The following CBFA2T2 variants were observed in gnomAD, a reference collection of about 807,000 sequenced individuals.
CBFA2T2 encodes the protein protein CBFA2T2.
Under a neutral mutation model 62.2 loss-of-function variants are expected in CBFA2T2, and 11 were observed. The ratio of observed to expected loss-of-function variants is 0.18; its 90% CI spans 0.11 to 0.29. The LOEUF (loss-of-function observed/expected upper bound fraction) is 0.29, where lower values mean the gene tolerates loss of function less well. CBFA2T2 is among the 10% of genes least tolerant of loss of function. CBFA2T2 has a pLI of 1.00. For synonymous variants in CBFA2T2, 295 were observed against 287.5 expected, an observed-to-expected ratio of 1.03 and a Z score of -0.27; for missense variants, 592 against 774.1, an observed-to-expected ratio of 0.76 and a Z score of 2.79.
intron 1 of CBFA2T2, among the ~76,000 whole-genome samples, chr20:33,526,292 G>A (rs1380805895): frequency 6.6e-6 from 1 of 152,064 alleles, no homozygotes; most frequent in African/African-American, 2.4e-5. Flanking sequence ...AAATAAATAA[G>A]GTGTCTTTCA....
At chr20:33,552,416 T>C (rs2012764397) in intron 1 of CBFA2T2, among the ~76,000 whole-genome samples, 1 of 152,178 alleles carries the variant, frequency 6.6e-6, no homozygotes, top group Non-Finnish European at 1.5e-5. Flanking sequence ...TTTAGATAAT[T>C]GGCTTAGTAA....
chr20:33,621,313 T>TTTTTTTTTTTTTTTG (rs1491565812), intron 4 of CBFA2T2, among the ~76,000 whole-genome samples: 2 of 108,098 alleles, frequency 1.9e-5, no homozygotes, highest in Non-Finnish European at 3.7e-5. Context: ...TTTTTTTTTT[T>TTTTTTTTTTTTTTTG]GGGGAGACAA....
At chr20:33,584,530 T>G (rs144931367) in intron 1 of CBFA2T2, among the ~76,000 whole-genome samples, 210 of 152,262 alleles carry the variant, frequency 1.4e-3, no homozygotes, top group African/African-American at 4.8e-3. Context: ...GTGCTGAGAT[T>G]ACAGGCGTGA....
At chr20:33,629,597 T>C (rs1413264536) in intron 7 of CBFA2T2, 122 bp from the exon 8 acceptor site, 1 of 891,678 alleles carries the variant, frequency 1.1e-6, no homozygotes, top group Non-Finnish European at 1.7e-6. Flanking sequence ...AAATGTAAAC[T>C]TGATATTCCT....
intron 3 of CBFA2T2, among the ~76,000 whole-genome samples, chr20:33,619,002 G>A (rs1465811755): frequency 6.6e-6 from 1 of 152,214 alleles, no homozygotes; most frequent in Non-Finnish European, 1.5e-5. Flanking sequence ...TCTGTCATAA[G>A]AAACCAGTGT....
intron 1 of CBFA2T2, among the ~76,000 whole-genome samples, chr20:33,546,426 CTTTT>C (rs151217037): frequency 7.3e-6 from 1 of 136,206 alleles, no homozygotes; most frequent in Non-Finnish European, 1.6e-5. Context: ...TCTGGATATA[CTTTT>C]TTTTTTTTTT....
At chr20:33,536,914 A>G (rs1427634158) in intron 1 of CBFA2T2, among the ~76,000 whole-genome samples, 1 of 140,368 alleles carries the variant, frequency 7.1e-6, no homozygotes, top group Non-Finnish European at 1.5e-5. Flanking sequence ...GGCGCTCCTC[A>G]CTTCCTAGAT....
At chr20:33,602,948 T>TA (rs2015194867) in intron 1 of CBFA2T2, among the ~76,000 whole-genome samples, 1 of 152,186 alleles carries the variant, frequency 6.6e-6, no homozygotes, top group Non-Finnish European at 1.5e-5. Context: ...CTAAGTGACT[T>TA]ATGGTCGGGT....
chr20:33,490,174 C>T lies in CBFA2T2; in HGVS notation c.-94C>T. On this transcript the variant is annotated 5_prime_UTR_variant, in exon 1 of 11. Transcript: ENST00000342704. Reference sequence around the variant, plus strand: ...GCTGCAGATCTCGCGGCGACGCCTGCGAGGGACCCGGGCCGCGGGTCGAGG... The same window carrying T: ...GCTGCAGATCTCGCGGCGACGCCTGTGAGGGACCCGGGCCGCGGGTCGAGG... 8.5e-7 allele frequency: 1 copy of T among 1,173,392 alleles called. No homozygotes were observed. Among genetic ancestry groups the T allele is most frequent in the Non-Finnish European group, 1.1e-6 (1 of 945,454 alleles). The allele number at this position is 1,173,392 out of a possible 1,614,324, so 72.7% of individuals were successfully genotyped here.
chr20:33,616,775 C>G lies in CBFA2T2; in HGVS notation c.421-2742C>G, dbSNP rs549780396. Among the ~76,000 whole-genome samples, 3 of 151,860 alleles carry G rather than the reference C, an allele frequency of 2.0e-5. No homozygotes were observed. In the East Asian group the frequency reaches 5.8e-4, roughly 29 times the overall value. On this transcript the variant is annotated intron_variant, in intron 3 of 10. Transcript: ENST00000342704. ...ATTGGAGAAAGCTGAATAGAGGATA[C>G]ATTGGAGTATAAGTGTTGCCCTTGA...
chr20:33,562,245 A>T, intron 1 of CBFA2T2: 1 of 237,968 alleles, frequency 4.2e-6, no homozygotes, highest in Non-Finnish European at 6.8e-6. Flanking sequence ...CACGTATTTA[A>T]CAAGTTAATG....
chr20:33,624,801 C>G lies in CBFA2T2; in HGVS notation c.730C>G (p.Pro244Ala). 6.2e-7 allele frequency: 1 copy of G among 1,614,166 alleles called. No individual in the cohort carries two copies. The highest frequency in any genetic ancestry group is 8.5e-7 in the Non-Finnish European group (1 of 1,180,012). Residue 244 changes from proline to alanine, a missense_variant, in exon 6 of 11, where the codon CCT becomes GCT. Transcript: ENST00000342704. ...TAGTTTTGATAGAGACACAATTGCT[C>G]CTGAGCCTCCTGCCAAGAGAGTATG... ...ENSFDRDTIA[P>A]EPPAKRVCTI...
intron 1 of CBFA2T2, among the ~76,000 whole-genome samples, chr20:33,579,235 A>T (rs77025586): frequency 2.0e-5 from 3 of 150,424 alleles, no homozygotes; most frequent in East Asian, 3.9e-4. Flanking sequence ...TTTTTATTCA[A>T]TTTTTTTTAA....
At chr20:33,593,277 AGCCGAGATTGT>A (rs1458158209) in intron 1 of CBFA2T2, among the ~76,000 whole-genome samples, 1 of 152,090 alleles carries the variant, frequency 6.6e-6, no homozygotes, top group East Asian at 1.9e-4. Context: ...GGTTGCAGTG[AGCCGAGATTGT>A]GCCACTGCAC....
chr20:33,625,900 A>C (rs2016204659), intron 6 of CBFA2T2, among the ~76,000 whole-genome samples: 1 of 152,182 alleles, frequency 6.6e-6, no homozygotes, highest in Non-Finnish European at 1.5e-5. Flanking sequence ...CAGGAGATGG[A>C]GACCAATCTG....
In CBFA2T2 at chr20:33,607,043, C is replaced by T. The variant is rs2122288074; in HGVS notation, c.122C>T (p.Pro41Leu). Residue 41 changes from proline to leucine, a missense_variant, in exon 2 of 11, where the codon CCC (proline) becomes CTC (leucine). Transcript: ENST00000342704. Reference sequence around the variant, plus strand: ...AGATCCTCACCTCCCACCATGCCACCCCTCCCACCAATAAATCCTGGAGGA... The same window carrying T: ...AGATCCTCACCTCCCACCATGCCACTCCTCCCACCAATAAATCCTGGAGGA... ...QSRSSPPTMPPLPPINPGGPR... is the reference protein window; with the variant it reads ...QSRSSPPTMPLLPPINPGGPR... The T allele has an allele frequency of 2.5e-6, 4 of 1,614,052 alleles. No individual in the cohort carries two copies. Among genetic ancestry groups the T allele is most frequent in the East Asian group, 2.2e-5 (1 of 44,878 alleles).
At chr20:33,607,840 G>T (rs191561319) in intron 2 of CBFA2T2, among the ~76,000 whole-genome samples, 56 of 152,240 alleles carry the variant, frequency 3.7e-4, no homozygotes, top group African/African-American at 1.3e-3. Flanking sequence ...TATGAATTTG[G>T]CCAAGGCTCG....
chr20:33,641,452 G>T (rs1346961586), intron 10 of CBFA2T2, among the ~76,000 whole-genome samples: 1 of 152,222 alleles, frequency 6.6e-6, no homozygotes, highest in African/African-American at 2.4e-5. Context: ...GTGACAACAT[G>T]AGAACAGCCC....
intron 1 of CBFA2T2, among the ~76,000 whole-genome samples, chr20:33,582,830 TA>T (rs1195529869): frequency 6.6e-6 from 1 of 151,876 alleles, no homozygotes; most frequent in East Asian, 1.9e-4. Flanking sequence ...TAATCCCAGC[TA>T]CTCAGGAGCC....
Sources: gnomAD v4.1 joint callset for allele counts (sites outside exome capture counted in the v4.1 genomes callset) on GRCh38, gnomAD v4.1.1 for gene constraint, MANE v1.5 for transcripts, NCBI Gene and HGNC (gene_info 2026-07-23, HGNC 2026-07-21) for gene names.